AUTS2: variants seen among roughly 807,000 people sequenced by gnomAD.
AUTS2 encodes the protein autism susceptibility gene 2 protein.
A neutral mutation model predicts 112.4 loss-of-function variants in AUTS2; 17 were observed. The ratio of observed to expected loss-of-function variants is 0.15; its 90% CI spans 0.10 to 0.23. AUTS2 has a LOEUF of 0.23. AUTS2 is among the 10% of genes least tolerant of loss of function. The pLI is 1.00. For missense variants in AUTS2, 1,510 were observed against 1,701.6 expected (o/e 0.89, Z 1.98); for synonymous variants, 751 against 702.7 (o/e 1.07, Z -1.09).
At chr7:70,341,064 A>G (rs1791241178) in intron 4 of AUTS2, among the ~76,000 whole-genome samples, 1 of 152,156 alleles carries the variant, frequency 6.6e-6, no homozygotes, top group South Asian at 2.1e-4. Flanking sequence ...GTTTATGTAT[A>G]CTGTATAATG....
intron 5 of AUTS2, among the ~76,000 whole-genome samples, chr7:70,665,682 G>A (rs1486013240): frequency 6.6e-6 from 1 of 152,110 alleles, no homozygotes; most frequent in Non-Finnish European, 1.5e-5. Context: ...AACAACTCGG[G>A]TTTGAAATGC....
intron 4 of AUTS2, among the ~76,000 whole-genome samples, chr7:70,421,639 CT>C (rs2130690212): frequency 6.6e-6 from 1 of 152,318 alleles, no homozygotes; most frequent in South Asian, 2.1e-4. Context: ...CTTTTCTGCC[CT>C]GATGAGGAGT....
intron 5 of AUTS2, among the ~76,000 whole-genome samples, chr7:70,669,913 A>T (rs898770915): frequency 6.6e-6 from 1 of 152,138 alleles, no homozygotes; most frequent in Non-Finnish European, 1.5e-5. Flanking sequence ...CGAAGGAGCC[A>T]GGGTTAAACA....
At chr7:70,142,775 A>C (rs1384733355) in intron 4 of AUTS2, among the ~76,000 whole-genome samples, 2 of 152,112 alleles carry the variant, frequency 1.3e-5, no homozygotes. Flanking sequence ...TTCTGAAAAT[A>C]ATTTTATCTT....
rs763506087 is a variant in AUTS2 at position 70,762,872 on chromosome 7, C to G, written c.745C>G (p.Pro249Ala). ...LFNTVIVNKD[P>A]ELGVGTLPEH... is the part of the protein sequence containing the mutation. Reference sequence around the variant, plus strand: ...TGTCTTTGCTCTCTCCCATGCAGATCCGGAGTTAGGTGTTGGCACGCTACC... The same window carrying G: ...TGTCTTTGCTCTCTCCCATGCAGATGCGGAGTTAGGTGTTGGCACGCTACC... Residue 249 changes from proline (P) to alanine (A), a missense_variant and splice_region_variant, in exon 7 of 19, where the codon CCG becomes GCG. By Grantham distance (27) the Pro-to-Ala change is conservative. Around this residue, in one of 3 missense-constraint regions of AUTS2, gnomAD observed 535 missense variants for 594.3 expected, o/e 0.90. Transcript: ENST00000342771. 1.2e-6 allele frequency: 2 copies of G among 1,609,856 alleles called. No individual in the cohort carries two copies. Among genetic ancestry groups the G allele is most frequent in the South Asian group, 2.2e-5 (2 of 90,992 alleles).
intron 1 of AUTS2, among the ~76,000 whole-genome samples, chr7:69,865,897 C>G (rs1436243073): frequency 1.3e-5 from 2 of 152,206 alleles, no homozygotes; most frequent in Non-Finnish European, 2.9e-5. Flanking sequence ...TGTACCCTCT[C>G]CCTAACTCTT....
intron 1 of AUTS2, among the ~76,000 whole-genome samples, chr7:69,749,077 AC>A (rs1237350587): frequency 1.3e-5 from 2 of 152,058 alleles, no homozygotes; most frequent in Non-Finnish European, 2.9e-5. Context: ...TGGGAATAAT[AC>A]CTGAAGAGGT....
intron 5 of AUTS2, among the ~76,000 whole-genome samples, chr7:70,469,986 T>C (rs1797317827): frequency 1.0e-5 from 1 of 100,470 alleles, no homozygotes; most frequent in African/African-American, 3.5e-5. Flanking sequence ...CTTAGCACAG[T>C]GTGATGGGCT....
intron 1 of AUTS2, among the ~76,000 whole-genome samples, chr7:69,635,814 G>T (rs1794494051): frequency 6.6e-6 from 1 of 152,226 alleles, no homozygotes; most frequent in Non-Finnish European, 1.5e-5. Context: ...TGTCGCTACT[G>T]ACATTTCTCT....
chr7:70,699,115 T>C (rs1809303206), intron 6 of AUTS2: 1 of 152,464 alleles, frequency 6.6e-6, no homozygotes, highest in South Asian at 2.1e-4. Context: ...ACTATCCCAT[T>C]AATTTCTTCC....
At chr7:70,544,121 A>T (rs1025027561) in intron 5 of AUTS2, among the ~76,000 whole-genome samples, 7 of 152,344 alleles carry the variant, frequency 4.6e-5, no homozygotes, top group African/African-American at 1.7e-4. Flanking sequence ...TGGGACTTAA[A>T]CAAGATTTGG....
chr7:70,431,133 G>A (rs987319014), intron 4 of AUTS2, among the ~76,000 whole-genome samples: 4 of 152,064 alleles, frequency 2.6e-5, no homozygotes, highest in Non-Finnish European at 5.9e-5. Flanking sequence ...CACCGCGCCC[G>A]GCCGTGTCGC....
intron 5 of AUTS2, among the ~76,000 whole-genome samples, chr7:70,619,734 G>A (rs936906228): frequency 2.0e-5 from 3 of 152,126 alleles, no homozygotes; most frequent in Admixed American, 1.3e-4. Flanking sequence ...TTTGGAGGAA[G>A]GATCCGACCC....
At chr7:69,692,293 G>C (rs1477524385) in intron 1 of AUTS2, among the ~76,000 whole-genome samples, 1 of 152,180 alleles carries the variant, frequency 6.6e-6, no homozygotes, top group Non-Finnish European at 1.5e-5. Flanking sequence ...GTGGTCCTTT[G>C]AAATGAGGAG....
chr7:70,098,516 G>C (rs1013119960), intron 2 of AUTS2, among the ~76,000 whole-genome samples: 1 of 152,034 alleles, frequency 6.6e-6, no homozygotes, highest in African/African-American at 2.4e-5. Flanking sequence ...CCATGCAGCT[G>C]TTGCCATGGC....
chr7:69,775,264 G>A (rs949322512), intron 1 of AUTS2, among the ~76,000 whole-genome samples: 11 of 152,168 alleles, frequency 7.2e-5, no homozygotes, highest in African/African-American at 2.7e-4. Context: ...TTTGGGAACT[G>A]CTGTTGCCTG....
intron 5 of AUTS2, among the ~76,000 whole-genome samples, chr7:70,475,757 G>A (rs900755474): frequency 5.9e-5 from 9 of 152,122 alleles, no homozygotes; most frequent in Admixed American, 3.3e-4. Context: ...TACTAATAGC[G>A]GCCAGGGACC....
chr7:69,691,223 G>C (rs958941603), intron 1 of AUTS2, among the ~76,000 whole-genome samples: 5 of 152,152 alleles, frequency 3.3e-5, no homozygotes, highest in Admixed American at 1.3e-4. Context: ...TCCAAGCCAC[G>C]GACTCCAGCT....
chr7:69,628,479 G>A (rs1221870094), intron 1 of AUTS2, among the ~76,000 whole-genome samples: 1 of 152,104 alleles, frequency 6.6e-6, no homozygotes. Flanking sequence ...TAACTGTGAG[G>A]TTGCCACTCT....
Sources: gnomAD v4.1 joint callset for allele counts (sites outside exome capture counted in the v4.1 genomes callset) on GRCh38, gnomAD v4.1.1 for gene constraint, gnomAD v4.1.1 regional missense constraint, MANE v1.5 for transcripts, NCBI Gene and HGNC (gene_info 2026-07-23, HGNC 2026-07-21) for gene names.